Variants in DAB2 observed in about 807,000 individuals in gnomAD.
The protein encoded by DAB2 is disabled homolog 2.
Under a neutral mutation model 71.6 loss-of-function variants are expected in DAB2, and 28 were observed. The ratio of observed to expected loss-of-function variants is 0.39; its 90% CI spans 0.29 to 0.54. The LOEUF (loss-of-function observed/expected upper bound fraction) is 0.54, where lower values mean the gene tolerates loss of function less well. DAB2 is among the 20% of genes least tolerant of loss of function. DAB2 has a pLI of 0.68. For missense variants in DAB2, 867 were observed against 928.8 expected, an observed-to-expected ratio of 0.93 and a Z score of 0.86; for synonymous variants, 345 against 339.7, an observed-to-expected ratio of 1.02 and a Z score of -0.17.
At chr5:39,380,250 C>A (rs1340150151) in intron 11 of DAB2, among the ~76,000 whole-genome samples, 1 of 152,170 alleles carries the variant, frequency 6.6e-6, no homozygotes, top group Non-Finnish European at 1.5e-5. Flanking sequence ...GCTTTTCATA[C>A]CCTCACGGAT....
intron 1 of DAB2, among the ~76,000 whole-genome samples, chr5:39,412,298 G>A (rs568508831): frequency 6.6e-6 from 1 of 152,168 alleles, no homozygotes; most frequent in East Asian, 1.9e-4. Flanking sequence ...TTTTGTTGTT[G>A]TTGTTTAGAG....
intron 1 of DAB2, among the ~76,000 whole-genome samples, chr5:39,399,967 TATC>T (rs1454247361): frequency 3.3e-5 from 5 of 152,174 alleles, no homozygotes; most frequent in South Asian, 2.1e-4. Flanking sequence ...TTTGAAGCAA[TATC>T]ATAATACAAG....
At chr5:39,380,863 T>C (rs79830591) in intron 11 of DAB2, among the ~76,000 whole-genome samples, 4,376 of 152,290 alleles carry the variant, frequency 0.029, 74 homozygotes, top group Non-Finnish European at 0.043. Context: ...GCCAAAATAT[T>C]GGCAAGGAGC....
chr5:39,378,561 G>A (rs1254367691), intron 11 of DAB2, among the ~76,000 whole-genome samples: 1 of 152,230 alleles, frequency 6.6e-6, no homozygotes, highest in African/African-American at 2.4e-5. Context: ...GGTATTACCT[G>A]ACTCCATTCT....
intron 1 of DAB2, among the ~76,000 whole-genome samples, chr5:39,407,462 A>T (rs1755632893): frequency 6.6e-6 from 1 of 152,130 alleles, no homozygotes; most frequent in African/African-American, 2.4e-5. Context: ...CAGCCTCCCA[A>T]AGTGCTGGGA....
In DAB2 at chr5:39,381,628, G is replaced by C. The variant is rs371776579; in HGVS notation, c.1342-12C>G. 485 of 1,612,518 alleles carry C rather than the reference G, an allele frequency of 3.0e-4. No individual in the cohort carries two copies. Among genetic ancestry groups the C allele is most frequent in the Non-Finnish European group, 3.9e-4 (455 of 1,179,090 alleles). The stretch of plus-strand genomic sequence containing the variant: ...TCATTGGCTGAAGACTGACAGGACA[G>C]GGAGGGAGGGAGAAGCCTTAGTTAC... On this transcript the variant is annotated splice_polypyrimidine_tract_variant and intron_variant, in intron 10 of 14. Coordinates refer to ENST00000320816, the MANE Select transcript of DAB2 (RefSeq NM_001343.4).
chr5:39,384,059 A>G (rs572640505), intron 9 of DAB2, among the ~76,000 whole-genome samples: 1 of 152,344 alleles, frequency 6.6e-6, no homozygotes, highest in African/African-American at 2.4e-5. Context: ...AATTTAGTCA[A>G]TCACACATTA....
chr5:39,393,113 A>G (rs77342184), intron 3 of DAB2, 141 bp downstream of exon 3: 1 of 809,052 alleles, frequency 1.2e-6, no homozygotes, highest in East Asian at 2.5e-5. Flanking sequence ...GGTTTCTCAG[A>G]AAATGGGGCA....
chr5:39,391,279 C>A (rs1755221311), intron 4 of DAB2, among the ~76,000 whole-genome samples: 1 of 152,026 alleles, frequency 6.6e-6, no homozygotes, highest in Non-Finnish European at 1.5e-5. Flanking sequence ...AGGTTGAACT[C>A]TTTAGGGATA....
chr5:39,420,195 C>T (rs1376645213), intron 1 of DAB2, among the ~76,000 whole-genome samples: 1 of 152,172 alleles, frequency 6.6e-6, no homozygotes, highest in East Asian at 1.9e-4. Flanking sequence ...GCTAAATGTC[C>T]AATTTTGAAA....
intron 11 of DAB2, among the ~76,000 whole-genome samples, chr5:39,378,220 G>C (rs754612754): frequency 6.6e-6 from 1 of 152,174 alleles, no homozygotes; most frequent in African/African-American, 2.4e-5. Context: ...TCCAATGATG[G>C]CCTCTGATTC....
intron 14 of DAB2, chr5:39,374,781 AT>A (rs1754780649): frequency 6.9e-6 from 3 of 432,272 alleles, no homozygotes; most frequent in Non-Finnish European, 1.2e-5. Flanking sequence ...TAAGATAAAA[AT>A]CCACATCCCC....
chr5:39,390,019 A>G (rs1755188882), intron 5 of DAB2, 87 bp from the exon 6 acceptor site: 4 of 881,694 alleles, frequency 4.5e-6, no homozygotes, highest in African/African-American at 3.5e-5. Flanking sequence ...TCATACTGGG[A>G]TTTTTTTTTT....
At chr5:39,409,463 T>C (rs942882297) in intron 1 of DAB2, among the ~76,000 whole-genome samples, 6 of 152,182 alleles carry the variant, frequency 3.9e-5, no homozygotes, top group Admixed American at 3.9e-4. Context: ...TAGATGAGCA[T>C]AGAAAGGTTC....
chr5:39,385,406 T>C (rs1755077127), intron 9 of DAB2: 1 of 152,166 alleles, frequency 6.6e-6, no homozygotes, highest in Admixed American at 6.5e-5. Flanking sequence ...GGAGCCACAA[T>C]GTTAGACTTC....
In DAB2 at chr5:39,381,525, G is replaced by A. The variant is rs1200956898; in HGVS notation, c.1433C>T (p.Ala478Val). Reference sequence around the variant, plus strand: ...GAGATCCAGAGGGTTGGGCTGCAGGGCTGTAGGTTGTCCTGTGGGTGACGC... The same window carrying A: ...GAGATCCAGAGGGTTGGGCTGCAGGACTGTAGGTTGTCCTGTGGGTGACGC... Reference protein sequence around the residue: ...GQASPTGQPTALQPNPLDLFK... With the variant: ...GQASPTGQPTVLQPNPLDLFK... The change falls in exon 11 of 15, where the codon GCC (alanine) becomes GTC (valine). Residue 478 changes from alanine to valine, a missense_variant. Ala to Val is a moderately conservative substitution (Grantham distance 64). Transcript: ENST00000320816. 1 of 1,614,160 alleles carries A rather than the reference G, an allele frequency of 6.2e-7. No homozygotes were observed. The highest frequency in any genetic ancestry group is 1.7e-5 in the Admixed American group (1 of 60,022).
chr5:39,382,886 T>C lies in DAB2; in HGVS notation c.1073A>G (p.Glu358Gly), dbSNP rs1755013432. 6.2e-7 allele frequency: 1 copy of C among 1,614,134 alleles called. No individual in the cohort carries two copies. Among genetic ancestry groups the C allele is most frequent in the Non-Finnish European group, 8.5e-7 (1 of 1,180,010 alleles). ...AAAGGGCCATGGGCCTGCCTGAGCT[T>C]CCTGTTTGCCAGTCCGGTTAGAGAT... ...DQISNRTGKQ[E>G]AQAGPWPFSS... The change falls in exon 10 of 15, where the codon GAA becomes GGA. Residue 358 changes from glutamate to glycine, a missense_variant. By Grantham distance (98) the Glu-to-Gly change is moderately conservative. Around this residue, in one of 2 missense-constraint regions of DAB2, gnomAD observed 740 missense variants for 734.3 expected, o/e 1.01. Transcript: ENST00000320816.
intron 11 of DAB2, among the ~76,000 whole-genome samples, chr5:39,380,480 C>T (rs1754953466): frequency 6.6e-6 from 1 of 152,162 alleles, no homozygotes; most frequent in South Asian, 2.1e-4. Context: ...AGTCCTTCCT[C>T]GTCTACAGTC....
At chr5:39,390,746 G>C (rs548723236) in intron 4 of DAB2, among the ~76,000 whole-genome samples, 171 bp from the exon 5 acceptor site, 2 of 152,150 alleles carry the variant, frequency 1.3e-5, no homozygotes, top group East Asian at 3.9e-4. Flanking sequence ...TTCTAGAAAG[G>C]GCTCAAAAGA....
Sources: gnomAD v4.1 joint callset for allele counts (sites outside exome capture counted in the v4.1 genomes callset) on GRCh38, gnomAD v4.1.1 for gene constraint, gnomAD v4.1.1 regional missense constraint, MANE v1.5 for transcripts, NCBI Gene and HGNC (gene_info 2026-07-23, HGNC 2026-07-21) for gene names.